Variants in NRXN2 observed in about 807,000 individuals in gnomAD.
NRXN2 encodes neurexin-2-beta.
In NRXN2, 29 loss-of-function variants were observed where a neutral mutation model predicts 128.8. That is an observed-to-expected ratio of 0.23 (90% confidence interval 0.17 to 0.31). NRXN2 has a LOEUF of 0.31. Ranked by LOEUF, NRXN2 falls within the 10% of genes least tolerant of loss-of-function variation. The pLI, the probability that NRXN2 is intolerant of heterozygous loss-of-function variation, is 1.00. For synonymous variants in NRXN2, 1,098 were observed against 1,075.2 expected (o/e 1.02, Z -0.41); for missense variants, 1,881 against 2,452.6 (o/e 0.77, Z 4.92).
In NRXN2 at chr11:64,713,521, T is replaced by C; in HGVS notation, c.179A>G (p.Asn60Ser). The change falls in exon 2 of 23, where the codon AAC becomes AGC. Residue 60 changes from asparagine to serine, a missense_variant. This residue lies in a region of NRXN2 where 997 missense variants were observed against 1,240.8 expected (regional missense o/e 0.80). Transcript: ENST00000265459. ...GTAGAGCAGCAGCGCGCGCGTGGCG[T>C]TGGTGCGCAGGCTGAAGCTGAGCTC... ...SGELSFSLRTNATRALLLYLD... is the reference protein window; with the variant it reads ...SGELSFSLRTSATRALLLYLD... 6 of 1,509,598 alleles carry C rather than the reference T, an allele frequency of 4.0e-6. No homozygotes were observed. The highest frequency in any genetic ancestry group is 2.7e-5 in the East Asian group (1 of 37,056). 93.5% of individuals were successfully genotyped at this position (1,509,598 alleles called of 1,614,324 possible). A position where few individuals can be genotyped will look rare whatever the true frequency, so the allele number is the denominator to read the frequency against.
Position 64,607,843 on chromosome 11 carries a change from C to A in NRXN2, c.4492G>T (p.Gly1498Trp). Residue 1498 changes from glycine (G) to tryptophan (W), a missense_variant, in exon 23 of 23, where the codon GGG becomes TGG. By Grantham distance (184) the Gly-to-Trp change is radical. Transcript: ENST00000265459. ...GGGAGGCTGGAGTCAAAGACCTCCC[C>A]GGAGGCGAAGCCCGAGGCCTCGATG... ...EPIEASGFAS[G>W]EVFDSSLPPT... 1.3e-6 allele frequency: 2 copies of A among 1,599,528 alleles called. No individual in the cohort carries two copies. Among genetic ancestry groups the A allele is most frequent in the South Asian group, 1.1e-5 (1 of 88,464 alleles).
intron 9 of NRXN2, among the ~76,000 whole-genome samples, chr11:64,666,957 T>C (rs1021965581): frequency 6.6e-6 from 1 of 152,182 alleles, no homozygotes; most frequent in African/African-American, 2.4e-5. Context: ...CTCCTCTCGA[T>C]GGCCCTTGTG....
In NRXN2 at chr11:64,668,960, C is replaced by A. The variant is rs542129179; in HGVS notation, c.1198-356G>T. Among the ~76,000 whole-genome samples, 5 of 152,190 alleles carry A rather than the reference C, an allele frequency of 3.3e-5. No homozygotes were observed. The South Asian group carries it at 1.0e-3, about 32-fold the overall frequency. On this transcript the variant is annotated intron_variant, in intron 7 of 22. Coordinates refer to ENST00000265459, the MANE Select transcript of NRXN2 (RefSeq NM_015080.4). ...CCAGGACGGATCCCCCATTCTGGGG[C>A]ACAGGATGGGTGCAAATGGCATCCT...
intron 17 of NRXN2, among the ~76,000 whole-genome samples, chr11:64,636,761 A>G (rs2135395058): frequency 6.6e-6 from 1 of 152,228 alleles, no homozygotes; most frequent in East Asian, 1.9e-4. Flanking sequence ...GAGGGCCTGC[A>G]GCACTTCTAA....
At chr11:64,637,175 C>G (rs542780200) in intron 17 of NRXN2, among the ~76,000 whole-genome samples, 42 of 152,104 alleles carry the variant, frequency 2.8e-4, no homozygotes, top group Admixed American at 7.9e-4. Context: ...AAAGAACCAC[C>G]TGGATGGCTA....
chr11:64,667,118 G>A lies in NRXN2; in HGVS notation c.1798+132C>T, dbSNP rs574089873. The A allele has an allele frequency of 2.2e-6, 2 of 907,470 alleles. No individual in the cohort carries two copies. The highest frequency in any genetic ancestry group is 2.6e-5 in the East Asian group (1 of 37,848). 56.2% of individuals were successfully genotyped at this position (907,470 alleles called of 1,614,324 possible). A position where few individuals can be genotyped will look rare whatever the true frequency, so the allele number is the denominator to read the frequency against. ...GGACAATTGGGAAGACGTGAGGGGGGTGGAGGAGAAGCGGCAGGGAAGAAT... is the reference window on the plus strand; with the variant it reads ...GGACAATTGGGAAGACGTGAGGGGGATGGAGGAGAAGCGGCAGGGAAGAAT... On this transcript the variant is annotated intron_variant, in intron 9 of 22. Coordinates refer to ENST00000265459, the MANE Select transcript of NRXN2 (RefSeq NM_015080.4). The surrounding 1 kb of genome is among the most constrained non-coding windows in gnomAD (Gnocchi z 5.6).
intron 5 of NRXN2, among the ~76,000 whole-genome samples, chr11:64,689,311 C>A (rs963304718): frequency 6.6e-6 from 1 of 151,492 alleles, no homozygotes; most frequent in African/African-American, 2.4e-5. Context: ...CTCAAGTGAT[C>A]CTCCCACCTC....
intron 17 of NRXN2, among the ~76,000 whole-genome samples, chr11:64,645,937 C>T (rs1565280483): frequency 6.6e-6 from 1 of 152,180 alleles, no homozygotes; most frequent in Non-Finnish European, 1.5e-5. Flanking sequence ...CTGAACGGGT[C>T]TCTCTGCTGG....
At position 64,651,192 on chromosome 11, in the gene NRXN2, T is replaced by A. The variant is rs1299070546; in HGVS notation, c.2918+63A>T. On this transcript the variant is annotated intron_variant, in intron 14 of 22. Coordinates refer to ENST00000265459, the MANE Select transcript of NRXN2 (RefSeq NM_015080.4). The surrounding 1 kb of genome is among the most constrained non-coding windows in gnomAD (Gnocchi z 5.9). The stretch of plus-strand genomic sequence containing the variant: ...CCTCGGCCAGTAGCCAGGAGAGCTG[T>A]ATGTGGTTCAGCAGGGGGAGGGGGC... 1 of 1,603,952 alleles carries A rather than the reference T, an allele frequency of 6.2e-7. No homozygotes were observed. Among genetic ancestry groups the A allele is most frequent in the African/African-American group, 1.3e-5 (1 of 74,748 alleles).
At chr11:64,668,175 C>G (rs2135512329) in intron 8 of NRXN2, among the ~76,000 whole-genome samples, 1 of 152,316 alleles carries the variant, frequency 6.6e-6, no homozygotes, top group Admixed American at 6.5e-5. Flanking sequence ...GGTCTTTAGT[C>G]TTCATACCCA....
At chr11:64,611,002 G>A (rs1188630411) in intron 22 of NRXN2, among the ~76,000 whole-genome samples, 1 of 152,206 alleles carries the variant, frequency 6.6e-6, no homozygotes, top group Non-Finnish European at 1.5e-5. Flanking sequence ...CCTGCCTTGA[G>A]TGTCTCTGAC....
chr11:64,685,809 G>A lies in NRXN2; in HGVS notation c.989C>T (p.Thr330Ile). 2 of 1,614,254 alleles carry A rather than the reference G, an allele frequency of 1.2e-6. No homozygotes were observed. The highest frequency in any genetic ancestry group is 1.7e-6 in the Non-Finnish European group (2 of 1,180,058). The change falls in exon 6 of 23, where the codon ACA becomes ATA. Residue 330 changes from threonine to isoleucine, a missense_variant. Thr to Ile is a moderately conservative substitution (Grantham distance 89). Coordinates refer to ENST00000265459, the MANE Select transcript of NRXN2 (RefSeq NM_015080.4). ...GTTGACGTAGTCGGCCGACTTGCCT[G>A]TATGCAGCATCAGGCCGTTGCGTTG... is the stretch of plus-strand genomic sequence containing the variant. ...TLQRNGLMLH[T>I]GKSADYVNLS...
intron 17 of NRXN2, among the ~76,000 whole-genome samples, chr11:64,641,859 A>G (rs2045718843): frequency 6.6e-6 from 1 of 151,968 alleles, no homozygotes; most frequent in Non-Finnish European, 1.5e-5. Flanking sequence ...ATGAGGGGAC[A>G]TGGAAGGGAG....
chr11:64,710,552 G>GTT (rs1252587160), intron 2 of NRXN2, among the ~76,000 whole-genome samples: 1 of 152,142 alleles, frequency 6.6e-6, no homozygotes, highest in African/African-American at 2.4e-5. Flanking sequence ...TTCAGCCACA[G>GTT]TGAGGCCAGG....
chr11:64,699,418 T>C lies in NRXN2; in HGVS notation c.731-1626A>G, dbSNP rs1256857739. Among the ~76,000 whole-genome samples, 6 of 126,250 alleles carry C rather than the reference T, an allele frequency of 4.8e-5. No homozygotes were observed. The East Asian group carries it at 8.8e-4, about 19-fold the overall frequency. 82.8% of individuals were successfully genotyped at this position (126,250 alleles called of 152,430 possible). A position where few individuals can be genotyped will look rare whatever the true frequency, so the allele number is the denominator to read the frequency against. ...CATCACCTAAAAGATACATGTCTAATAGTTTTCTTTTTTTTTTTTTTTTTT... is the reference window on the plus strand; with the variant it reads ...CATCACCTAAAAGATACATGTCTAACAGTTTTCTTTTTTTTTTTTTTTTTT... On this transcript the variant is annotated intron_variant, in intron 2 of 22. Transcript: ENST00000265459.
chr11:64,714,709 C>T lies in NRXN2; in HGVS notation c.-244-766G>A, dbSNP rs1182962849. Among the ~76,000 whole-genome samples, 2 of 152,212 alleles carry T rather than the reference C, an allele frequency of 1.3e-5. No homozygotes were observed. Among genetic ancestry groups the T allele is most frequent in the African/African-American group, 4.8e-5 (2 of 41,438 alleles). ...CTCAGCCTCAGGACTGGCCCCACTA[C>T]CTGGGCTCTCTTTACCCCTCAGTTC... On this transcript the variant is annotated intron_variant, in intron 1 of 22. Transcript: ENST00000265459. This position sits in a 1 kb window ranked among gnomAD's most constrained non-coding sequence, Gnocchi z 4.5.
At position 64,714,863 on chromosome 11, in the gene NRXN2, CG is replaced by C. The variant is rs941186025; in HGVS notation, c.-244-921del. ...TCAGAGAGCAATTTATACCCCACGC[CG>C]GGGAGGGGAATTTGCATCTCGTTAA... On this transcript the variant is annotated intron_variant, in intron 1 of 22. Transcript: ENST00000265459. The surrounding 1 kb of genome is among the most constrained non-coding windows in gnomAD (Gnocchi z 4.5). Among the ~76,000 whole-genome samples, 3 of 152,064 alleles carry C rather than the reference CG, an allele frequency of 2.0e-5. No individual in the cohort carries two copies. Among genetic ancestry groups the C allele is most frequent in the African/African-American group, 7.2e-5 (3 of 41,380 alleles).
intron 2 of NRXN2, among the ~76,000 whole-genome samples, chr11:64,699,351 C>T (rs1254907881): frequency 2.0e-5 from 3 of 151,446 alleles, no homozygotes; most frequent in Admixed American, 6.6e-5. Flanking sequence ...GTGTTACAAA[C>T]ACACTCCTCT....
chr11:64,661,242 T>C, intron 9 of NRXN2, 103 bp from the exon 10 acceptor site: 1 of 1,578,706 alleles, frequency 6.3e-7, no homozygotes, highest in Non-Finnish European at 8.6e-7. Flanking sequence ...CCCTCCACCT[T>C]GTGCCCTGCA....
Sources: allele counts gnomAD v4.1 joint callset (sites outside exome capture counted in the v4.1 genomes callset), GRCh38; gene constraint gnomAD v4.1.1; regional missense constraint gnomAD v4.1.1; non-coding constraint Gnocchi (gnomAD v3.1); transcripts MANE v1.5; gene names NCBI Gene and HGNC (gene_info 2026-07-23, HGNC 2026-07-21).